LRRC37A2: variants seen among roughly 807,000 people sequenced by gnomAD.
LRRC37A2 encodes the protein leucine-rich repeat-containing protein 37A2.
A neutral mutation model predicts 68.8 loss-of-function variants in LRRC37A2; 9 were observed. That is an observed-to-expected ratio of 0.13 (90% confidence interval 0.08 to 0.23). The LOEUF is 0.23. LRRC37A2 is among the 10% of genes least tolerant of loss of function. The pLI is 1.00. For synonymous variants in LRRC37A2, 63 were observed against 367.6 expected (o/e 0.17, Z 9.48); for missense variants, 168 against 950.4 (o/e 0.18, Z 10.82).
chr17:46,776,395 A>G, the LRRC37A2 span, among the ~76,000 whole-genome samples: 1 of 152,222 alleles, frequency 6.6e-6, no homozygotes, highest in Non-Finnish European at 1.5e-5. Context: ...TTATGGGCCT[A>G]TCATGTGCTG....
the LRRC37A2 span, chr17:46,721,912 T>C: frequency 6.3e-7 from 1 of 1,593,954 alleles, no homozygotes. Context: ...CACTGAACTT[T>C]TTCTCCAATT....
chr17:46,755,478 G>A, the LRRC37A2 span: 2 of 985,280 alleles, frequency 2.0e-6, no homozygotes, highest in Non-Finnish European at 1.6e-6. Flanking sequence ...CCATTTATTT[G>A]AATTCTTCGC....
chr17:46,923,084 G>A, the LRRC37A2 span: 3 of 785,212 alleles, frequency 3.8e-6, no homozygotes, highest in East Asian at 8.0e-5. Context: ...AGCCCTGGCC[G>A]GCAGGGGAGG....
chr17:46,918,140 C>T, the LRRC37A2 span, among the ~76,000 whole-genome samples: 6 of 152,296 alleles, frequency 3.9e-5, no homozygotes, highest in Middle Eastern at 3.4e-3. Context: ...AGTGCAGCGG[C>T]GCGATCTCAG....
the LRRC37A2 span, chr17:46,875,462 A>C: frequency 1.4e-6 from 2 of 1,419,754 alleles, no homozygotes; most frequent in Non-Finnish European, 1.9e-6. Flanking sequence ...TCCCCAAAAT[A>C]CATGAAGAGC....
At chr17:46,963,151 TG>T in the LRRC37A2 span, among the ~76,000 whole-genome samples, 7 of 152,370 alleles carry the variant, frequency 4.6e-5, no homozygotes, top group East Asian at 1.3e-3. Flanking sequence ...CAATAAATCA[TG>T]ATGTCTATAT....
chr17:46,739,547 A>C, the LRRC37A2 span, among the ~76,000 whole-genome samples: 1 of 151,870 alleles, frequency 6.6e-6, no homozygotes, highest in Non-Finnish European at 1.5e-5. Context: ...CTCGAAAAAA[A>C]CACAAAAACA....
the LRRC37A2 span, among the ~76,000 whole-genome samples, chr17:46,899,359 G>A: frequency 6.6e-6 from 1 of 152,050 alleles, no homozygotes; most frequent in Non-Finnish European, 1.5e-5. Context: ...GAGCCAATAT[G>A]ATGCCACTGC....
At chr17:46,817,007 T>C in the LRRC37A2 span, among the ~76,000 whole-genome samples, 1 of 152,210 alleles carries the variant, frequency 6.6e-6, no homozygotes, top group Non-Finnish European at 1.5e-5. Context: ...AGCCTCAGGT[T>C]AGCCCAGCCC....
the LRRC37A2 span, among the ~76,000 whole-genome samples, chr17:46,816,863 A>G: frequency 4.6e-5 from 7 of 152,174 alleles, no homozygotes; most frequent in Non-Finnish European, 1.0e-4. Flanking sequence ...TTGGCCCGGG[A>G]ATGGGAAGAG....
the LRRC37A2 span, chr17:46,714,038 G>A: frequency 6.5e-7 from 1 of 1,550,266 alleles, no homozygotes; most frequent in Non-Finnish European, 8.7e-7. Context: ...ATGTGTGTGT[G>A]TGTGCACATA....
chr17:46,974,456 C>T, the LRRC37A2 span, among the ~76,000 whole-genome samples: 7 of 152,268 alleles, frequency 4.6e-5, no homozygotes, highest in South Asian at 1.4e-3. Context: ...TCATCTCCGC[C>T]GGGCGCGGTG....
chr17:46,973,110 T>C, the LRRC37A2 span: 1 of 153,216 alleles, frequency 6.5e-6, no homozygotes, highest in Middle Eastern at 5.2e-4. Context: ...TAATTAAATG[T>C]GTGTGCATGT....
At chr17:46,939,226 G>A in the LRRC37A2 span, 1 of 1,060,024 alleles carries the variant, frequency 9.4e-7, no homozygotes, top group South Asian at 3.2e-5. Context: ...ATATTAAATA[G>A]TAGGTCGATT....
chr17:46,742,696 A>C, the LRRC37A2 span, among the ~76,000 whole-genome samples: 1 of 152,136 alleles, frequency 6.6e-6, no homozygotes, highest in Non-Finnish European at 1.5e-5. Flanking sequence ...AGGGAAGAGC[A>C]TTCCAGGCAG....
chr17:46,890,488 A>AT, the LRRC37A2 span, among the ~76,000 whole-genome samples: 4 of 152,024 alleles, frequency 2.6e-5, no homozygotes, highest in African/African-American at 9.7e-5. Context: ...GCATCCCAGG[A>AT]CCCTCGAGGT....
chr17:46,844,691 A>G, the LRRC37A2 span, among the ~76,000 whole-genome samples: 1 of 152,312 alleles, frequency 6.6e-6, no homozygotes, highest in East Asian at 1.9e-4. Flanking sequence ...AAACAAACTA[A>G]AAGATGTTGA....
At chr17:46,953,049 T>A in the LRRC37A2 span, among the ~76,000 whole-genome samples, 1,776 of 152,202 alleles carry the variant, frequency 0.012, 17 homozygotes, top group Non-Finnish European at 0.017. Flanking sequence ...TTTATTTTTT[T>A]ATTTTATTAT....
At chr17:47,038,455 A>T in the LRRC37A2 span, among the ~76,000 whole-genome samples, 2 of 151,518 alleles carry the variant, frequency 1.3e-5, no homozygotes, top group East Asian at 1.9e-4. Flanking sequence ...ATCTCTAAAA[A>T]TTTTTTTTAG....
Sources: allele counts gnomAD v4.1 joint callset (sites outside exome capture counted in the v4.1 genomes callset), GRCh38; gene constraint gnomAD v4.1.1; transcripts MANE v1.5; gene names NCBI Gene and HGNC (gene_info 2026-07-23, HGNC 2026-07-21).